The following NTM variants were observed in gnomAD, a reference collection of about 807,000 sequenced individuals.
NTM encodes neurotrimin, also known as IgLON family member 2.
A neutral mutation model predicts 42.1 loss-of-function variants in NTM; 13 were observed. The observed-to-expected ratio is 0.31, with a 90% CI of 0.20 to 0.49. The LOEUF is 0.49. Among genes scored for constraint, NTM ranks in the 20% least tolerant of loss-of-function variants. The probability of loss-of-function intolerance (pLI) is 0.99; values close to 1 mark genes in which losing one functional copy is unlikely to be tolerated. For synonymous variants in NTM, 187 were observed against 179.2 expected (o/e 1.04, Z -0.35); for missense variants, 373 against 452.8 (o/e 0.82, Z 1.60).
intron 1 of NTM, among the ~76,000 whole-genome samples, chr11:131,566,038 T>C (rs1383013563): frequency 6.6e-6 from 1 of 152,218 alleles, no homozygotes; most frequent in East Asian, 1.9e-4. Flanking sequence ...GAAAATGTGA[T>C]GTCGATATGA....
intron 1 of NTM, among the ~76,000 whole-genome samples, chr11:131,426,785 C>T (rs994334679): frequency 4.6e-5 from 7 of 152,010 alleles, no homozygotes; most frequent in South Asian, 2.1e-4. Context: ...GGCACGAAAG[C>T]GGAGGAAGAG....
At chr11:131,930,827 A>T (rs1217946326) in intron 2 of NTM, among the ~76,000 whole-genome samples, 1 of 152,224 alleles carries the variant, frequency 6.6e-6, no homozygotes, top group Admixed American at 6.5e-5. Context: ...ATTTGATGTT[A>T]TGCATTTTCT....
At chr11:132,143,808 T>C (rs1405597177) in intron 2 of NTM, among the ~76,000 whole-genome samples, 2 of 152,202 alleles carry the variant, frequency 1.3e-5, no homozygotes, top group Non-Finnish European at 2.9e-5. Context: ...CAAATTCATG[T>C]TTCAGACAAG....
chr11:132,224,922 C>T (rs2036917784), intron 4 of NTM, among the ~76,000 whole-genome samples: 1 of 152,174 alleles, frequency 6.6e-6, no homozygotes, highest in Admixed American at 6.5e-5. Flanking sequence ...CTCTGTCCAG[C>T]TTTTCTCCTG....
chr11:132,320,324 A>G (rs919771439), intron 7 of NTM, among the ~76,000 whole-genome samples: 43 of 152,238 alleles, frequency 2.8e-4, no homozygotes, highest in African/African-American at 8.9e-4. Context: ...TGCACGCACC[A>G]TGCGCGAGCC....
At chr11:131,796,651 A>T (rs2091597861) in intron 1 of NTM, among the ~76,000 whole-genome samples, 1 of 152,194 alleles carries the variant, frequency 6.6e-6, no homozygotes, top group Admixed American at 6.5e-5. Context: ...CAGCATAGAG[A>T]GGGTGCATCT....
intron 2 of NTM, among the ~76,000 whole-genome samples, chr11:131,970,133 G>T (rs1348554868): frequency 1.3e-5 from 2 of 152,186 alleles, no homozygotes; most frequent in Non-Finnish European, 2.9e-5. Flanking sequence ...TAAAGGCAAT[G>T]AAAGCAATGC....
At chr11:131,688,373 C>G (rs937644483) in intron 1 of NTM, among the ~76,000 whole-genome samples, 1 of 152,250 alleles carries the variant, frequency 6.6e-6, no homozygotes, top group Non-Finnish European at 1.5e-5. Flanking sequence ...GCCACTAACT[C>G]AGAAAAACCT....
intron 2 of NTM, among the ~76,000 whole-genome samples, chr11:131,954,864 C>G (rs2061400832): frequency 6.6e-6 from 1 of 152,150 alleles, no homozygotes; most frequent in Non-Finnish European, 1.5e-5. Flanking sequence ...TGTATATACA[C>G]ATCTTTCTGT....
At chr11:131,967,457 G>C (rs1323866744) in intron 2 of NTM, among the ~76,000 whole-genome samples, 2 of 152,110 alleles carry the variant, frequency 1.3e-5, no homozygotes, top group African/African-American at 4.8e-5. Flanking sequence ...ACCACGCTGA[G>C]GTCATGTGTA....
chr11:131,902,991 A>G (rs2053378949), intron 1 of NTM, among the ~76,000 whole-genome samples: 1 of 152,240 alleles, frequency 6.6e-6, no homozygotes, highest in African/African-American at 2.4e-5. Flanking sequence ...AGAGATTGAG[A>G]TAAAACACAG....
chr11:132,059,517 G>A (rs1000559139), intron 2 of NTM, among the ~76,000 whole-genome samples: 46 of 152,270 alleles, frequency 3.0e-4, no homozygotes, highest in African/African-American at 4.6e-4. Flanking sequence ...CCCTAAACCC[G>A]TCAAGTGACT....
At chr11:131,758,307 T>C (rs1034792008) in intron 1 of NTM, among the ~76,000 whole-genome samples, 1 of 151,592 alleles carries the variant, frequency 6.6e-6, no homozygotes, top group Non-Finnish European at 1.5e-5. Flanking sequence ...ACTCTGATGA[T>C]GTGGGCTAGT....
chr11:131,988,867 CTG>C (rs747851615), intron 2 of NTM, among the ~76,000 whole-genome samples: 1 of 152,122 alleles, frequency 6.6e-6, no homozygotes, highest in African/African-American at 2.4e-5. Flanking sequence ...ACCAAAAACA[CTG>C]TTATATTTCT....
At chr11:131,379,920 G>A (rs1306172506) in intron 1 of NTM, among the ~76,000 whole-genome samples, 3 of 152,118 alleles carry the variant, frequency 2.0e-5, no homozygotes, top group Non-Finnish European at 2.9e-5. Flanking sequence ...CAGCATATTA[G>A]AGCCCAGCAT....
chr11:131,885,031 G>C (rs2050163080), intron 1 of NTM, among the ~76,000 whole-genome samples: 1 of 152,180 alleles, frequency 6.6e-6, no homozygotes, highest in Non-Finnish European at 1.5e-5. Context: ...CACGGTTTGG[G>C]TCAAGCAGTG....
chr11:132,011,412 T>G (rs544062087), intron 2 of NTM, among the ~76,000 whole-genome samples: 33 of 152,292 alleles, frequency 2.2e-4, no homozygotes, highest in Non-Finnish European at 3.1e-4. Context: ...AAACAGATAA[T>G]GGCAGCGGAG....
intron 1 of NTM, among the ~76,000 whole-genome samples, chr11:131,414,673 G>T (rs1411290670): frequency 6.6e-6 from 1 of 152,134 alleles, no homozygotes; most frequent in Admixed American, 6.5e-5. Flanking sequence ...GCAAGTACTG[G>T]CATGTGATGG....
At chr11:131,711,358 C>A (rs2077106157) in intron 1 of NTM, among the ~76,000 whole-genome samples, 1 of 152,168 alleles carries the variant, frequency 6.6e-6, no homozygotes, top group Admixed American at 6.5e-5. Context: ...GACATTTATG[C>A]AGCCAAAAAA....
Sources: allele counts gnomAD v4.1 joint callset (sites outside exome capture counted in the v4.1 genomes callset), GRCh38; gene constraint gnomAD v4.1.1; transcripts MANE v1.5; gene names NCBI Gene and HGNC (gene_info 2026-07-23, HGNC 2026-07-21).